EPHA6: variants seen among roughly 807,000 people sequenced by gnomAD.
The protein encoded by EPHA6 is EPH receptor A6, also known as ephrin type-A receptor 6.
A neutral mutation model predicts 112.0 loss-of-function variants in EPHA6; 50 were observed. The observed-to-expected ratio is 0.45, with a 90% CI of 0.36 to 0.56. The LOEUF is 0.56. EPHA6 is among the 20% of genes least tolerant of loss of function. The pLI, the probability that EPHA6 is intolerant of heterozygous loss-of-function variation, is 0.00. For synonymous variants in EPHA6, 529 were observed against 490.7 expected (o/e 1.08, Z -1.03); for missense variants, 1,280 against 1,417.4 (o/e 0.90, Z 1.56).
intron 3 of EPHA6, among the ~76,000 whole-genome samples, chr3:97,075,821 T>A (rs1220016381): frequency 6.6e-6 from 1 of 152,020 alleles, no homozygotes; most frequent in East Asian, 1.9e-4. Flanking sequence ...GTTTAAAAAA[T>A]TTTATTATTA....
intron 3 of EPHA6, among the ~76,000 whole-genome samples, chr3:97,176,863 AT>A (rs144163889): frequency 9.1e-5 from 13 of 143,006 alleles, no homozygotes; most frequent in Admixed American, 3.4e-4. Context: ...GATCTTTTGT[AT>A]TTTTTTTTCA....
intron 14 of EPHA6, among the ~76,000 whole-genome samples, chr3:97,700,808 A>G (rs926654973): frequency 1.6e-4 from 24 of 152,214 alleles, no homozygotes; most frequent in African/African-American, 5.8e-4. Flanking sequence ...CACAATCAAT[A>G]GATGTACAAA....
chr3:97,368,895 C>G (rs1257955517), intron 5 of EPHA6, among the ~76,000 whole-genome samples: 2 of 152,072 alleles, frequency 1.3e-5, no homozygotes, highest in Non-Finnish European at 2.9e-5. Context: ...GTATTTACTC[C>G]TTGTGATTAC....
intron 7 of EPHA6, chr3:97,466,125 T>C: frequency 2.0e-6 from 1 of 510,680 alleles, no homozygotes; most frequent in South Asian, 1.8e-5. Flanking sequence ...TGTGTTAGTC[T>C]TTCTGTAGAA....
chr3:97,294,239 A>G (rs1329685820), intron 5 of EPHA6, among the ~76,000 whole-genome samples: 2 of 152,114 alleles, frequency 1.3e-5, no homozygotes, highest in Non-Finnish European at 2.9e-5. Context: ...CCCCCACTGA[A>G]TCCACAAAGC....
chr3:97,658,012 G>C (rs534076565), intron 14 of EPHA6, among the ~76,000 whole-genome samples: 1 of 151,892 alleles, frequency 6.6e-6, no homozygotes, highest in East Asian at 1.9e-4. Flanking sequence ...CAGTGGAAAG[G>C]GGGAGGAAAT....
At chr3:97,649,828 A>T (rs1054911504) in intron 14 of EPHA6, among the ~76,000 whole-genome samples, 1 of 151,950 alleles carries the variant, frequency 6.6e-6, no homozygotes, top group Non-Finnish European at 1.5e-5. Context: ...GCTAGTAGTC[A>T]ATCAAAACCA....
chr3:97,439,199 A>C (rs1253058682), intron 6 of EPHA6, among the ~76,000 whole-genome samples: 3 of 152,172 alleles, frequency 2.0e-5, no homozygotes, highest in Non-Finnish European at 2.9e-5. Context: ...TCATGAATGC[A>C]TTTCAAAGTG....
intron 14 of EPHA6, among the ~76,000 whole-genome samples, chr3:97,665,881 C>A (rs183390789): frequency 3.2e-4 from 49 of 152,230 alleles, no homozygotes; most frequent in African/African-American, 1.2e-3. Context: ...CATAGTGAAA[C>A]CCCATCTCTA....
intron 3 of EPHA6, among the ~76,000 whole-genome samples, chr3:97,081,406 G>T (rs1240253268): frequency 6.6e-6 from 1 of 151,828 alleles, no homozygotes; most frequent in Admixed American, 6.6e-5. Context: ...CATTTTTTAA[G>T]AACTACAGAA....
At chr3:96,896,214 A>T (rs2038262791) in intron 2 of EPHA6, among the ~76,000 whole-genome samples, 1 of 151,816 alleles carries the variant, frequency 6.6e-6, no homozygotes, top group Admixed American at 6.6e-5. Context: ...TTTTCCTTTC[A>T]TTTATAACAT....
chr3:97,056,537 T>C (rs2045858799), intron 3 of EPHA6, among the ~76,000 whole-genome samples: 1 of 152,202 alleles, frequency 6.6e-6, no homozygotes, highest in Non-Finnish European at 1.5e-5. Context: ...TTACCTCTTG[T>C]TGGCTCTTGG....
intron 5 of EPHA6, among the ~76,000 whole-genome samples, chr3:97,259,203 A>G (rs1292089486): frequency 6.6e-6 from 1 of 152,190 alleles, no homozygotes; most frequent in African/African-American, 2.4e-5. Context: ...CACCACATTA[A>G]AAACCTCACT....
At chr3:97,389,559 C>T (rs2086279448) in intron 5 of EPHA6, among the ~76,000 whole-genome samples, 1 of 152,062 alleles carries the variant, frequency 6.6e-6, no homozygotes, top group East Asian at 1.9e-4. Context: ...CATAAACAAA[C>T]CCTGTAAATG....
chr3:96,945,200 C>T (rs2041190416), intron 2 of EPHA6, among the ~76,000 whole-genome samples: 1 of 152,122 alleles, frequency 6.6e-6, no homozygotes, highest in African/African-American at 2.4e-5. Flanking sequence ...TCCATGATAC[C>T]ATCATCTTTC....
chr3:97,252,108 G>A (rs2079158442), intron 5 of EPHA6, among the ~76,000 whole-genome samples: 1 of 152,094 alleles, frequency 6.6e-6, no homozygotes, highest in Non-Finnish European at 1.5e-5. Context: ...GTTCCCAAGT[G>A]TGTCTCAAGT....
In EPHA6 at chr3:96,918,842, A is replaced by G. The variant is rs76590883; in HGVS notation, c.450+51953A>G. Among the ~76,000 whole-genome samples, 976 of 152,124 alleles carry G rather than the reference A, an allele frequency of 6.4e-3. 10 individuals carry two copies. Among genetic ancestry groups the G allele is most frequent in the African/African-American group, 0.022 (912 of 41,576 alleles). ...TAATGTTTGCGCTTAAAAGTAAATA[A>G]GTGATCAGAAAAACACAATTTCAGT... On this transcript the variant is annotated intron_variant, in intron 2 of 17. Coordinates refer to ENST00000389672, the MANE Select transcript of EPHA6 (RefSeq NM_001080448.3).
chr3:97,488,628 G>A (rs191566752), intron 10 of EPHA6, among the ~76,000 whole-genome samples: 146 of 152,122 alleles, frequency 9.6e-4, no homozygotes, highest in Admixed American at 1.7e-3. Flanking sequence ...GACAAATGTA[G>A]GCAATATTCC....
intron 3 of EPHA6, among the ~76,000 whole-genome samples, chr3:97,199,415 AC>A (rs369583191): frequency 4.3e-4 from 65 of 152,006 alleles, no homozygotes; most frequent in African/African-American, 1.6e-3. Flanking sequence ...CTGGAGAACT[AC>A]CCCCTACCCG....
Sources: allele counts gnomAD v4.1 joint callset (sites outside exome capture counted in the v4.1 genomes callset), GRCh38; gene constraint gnomAD v4.1.1; transcripts MANE v1.5; gene names NCBI Gene and HGNC (gene_info 2026-07-23, HGNC 2026-07-21).